The following GLMN variants were observed in gnomAD, a reference collection of about 807,000 sequenced individuals.
GLMN encodes the protein glomulin, FKBP associated protein.
A neutral mutation model predicts 87.8 loss-of-function variants in GLMN; 75 were observed. The observed-to-expected ratio is 0.85, with a 90% CI of 0.71 to 1.04. The LOEUF (loss-of-function observed/expected upper bound fraction) is 1.04. Among genes scored for constraint, GLMN ranks in the 50% least tolerant of loss-of-function variants. The pLI is 0.00. For synonymous variants in GLMN, 206 were observed against 221.6 expected, an observed-to-expected ratio of 0.93 and a Z score of 0.63; for missense variants, 588 against 658.8, an observed-to-expected ratio of 0.89 and a Z score of 1.18.
intron 1 of GLMN, 56 bp downstream of exon 1, chr1:92,298,869 G>C (rs1650514858): frequency 2.5e-6 from 1 of 403,114 alleles, no homozygotes; most frequent in African/African-American, 2.1e-5. Flanking sequence ...GTCCGCCGCG[G>C]CTCACGGCCA....
chr1:92,281,676 A>T (rs1045119322), intron 7 of GLMN, among the ~76,000 whole-genome samples: 2 of 152,226 alleles, frequency 1.3e-5, no homozygotes, highest in African/African-American at 4.8e-5. Flanking sequence ...CAGACTGGCA[A>T]ATTGAATAAA....
chr1:92,299,220 C>A (rs1650588635), upstream of GLMN: 1 of 935,270 alleles, frequency 1.1e-6, no homozygotes, highest in Admixed American at 3.4e-5. Context: ...GACCGCAGCG[C>A]GCGGGCGCTC....
chr1:92,305,450 A>AACAAAAAAC, the GLMN span, among the ~76,000 whole-genome samples: 5 of 141,852 alleles, frequency 3.5e-5, no homozygotes, highest in Admixed American at 3.5e-4. Flanking sequence ...AAAAAAAAAA[A>AACAAAAAAC]AGACAATATG....
At chr1:92,363,753 A>G in the GLMN span, 2 of 354,376 alleles carry the variant, frequency 5.6e-6, no homozygotes, top group Non-Finnish European at 1.1e-5. Context: ...ATGATGATCT[A>G]CTTCCACTTA....
At chr1:92,280,344 C>G (rs138700322) in intron 7 of GLMN, among the ~76,000 whole-genome samples, 30 of 152,272 alleles carry the variant, frequency 2.0e-4, no homozygotes, top group Non-Finnish European at 2.4e-4. Flanking sequence ...GAGTGGACCT[C>G]TAGCAAACTC....
chr1:92,259,804 G>C (rs1037894511), intron 16 of GLMN, among the ~76,000 whole-genome samples: 1 of 134,738 alleles, frequency 7.4e-6, no homozygotes. Context: ...GCATGATCTC[G>C]GCTCACTGCA....
the GLMN span, among the ~76,000 whole-genome samples, chr1:92,340,575 G>A: frequency 6.6e-6 from 1 of 152,194 alleles, no homozygotes; most frequent in Non-Finnish European, 1.5e-5. Flanking sequence ...AACAACTATA[G>A]ATGTCCGGCT....
At position 92,289,128 on chromosome 1, in the gene GLMN, C is replaced by G. The variant is rs754543701; in HGVS notation, c.418G>C (p.Ala140Pro). The G allele has an allele frequency of 1.3e-4, 208 of 1,600,812 alleles. No individual in the cohort carries two copies. Among genetic ancestry groups the G allele is most frequent in the Non-Finnish European group, 1.7e-4 (198 of 1,168,162 alleles). The stretch of plus-strand genomic sequence containing the variant: ...GACAATGCTAATCCAATTGAATATG[C>G]CTTGTTATGAAGTTTCTGAATCACT... ...QTVIQKLHNK[A>P]YSIGLALSTL... is the part of the protein sequence containing the mutation. Residue 140 changes from alanine to proline, a missense_variant, in exon 6 of 19, where the codon GCA (alanine) becomes CCA (proline). By Grantham distance (27) the Ala-to-Pro change is conservative. Transcript: ENST00000370360.
At chr1:92,282,565 T>C (rs568834811) in intron 7 of GLMN, among the ~76,000 whole-genome samples, 10 of 152,008 alleles carry the variant, frequency 6.6e-5, no homozygotes, top group South Asian at 4.2e-4. Context: ...ATTAAAAGAA[T>C]TGGAAAAGCA....
intron 9 of GLMN, among the ~76,000 whole-genome samples, chr1:92,268,657 A>G (rs926786736): frequency 1.3e-5 from 2 of 152,228 alleles, no homozygotes; most frequent in African/African-American, 4.8e-5. Flanking sequence ...TACTTGTGCC[A>G]GGAGACCCTT....
intron 16 of GLMN, among the ~76,000 whole-genome samples, chr1:92,254,413 G>C (rs1012809844): frequency 6.6e-6 from 1 of 152,102 alleles, no homozygotes; most frequent in African/African-American, 2.4e-5. Flanking sequence ...AGAAAATACA[G>C]AGAACACCAC....
chr1:92,307,471 A>T, the GLMN span, among the ~76,000 whole-genome samples: 1 of 152,212 alleles, frequency 6.6e-6, no homozygotes, highest in African/African-American at 2.4e-5. Flanking sequence ...ATACATACAA[A>T]TGTTATTTGT....
the GLMN span, chr1:92,320,771 A>G: frequency 1.7e-6 from 1 of 576,712 alleles, no homozygotes; most frequent in African/African-American, 1.8e-5. Context: ...CCACACAAAG[A>G]AATATTTGAC....
the GLMN span, among the ~76,000 whole-genome samples, chr1:92,304,822 T>C: frequency 6.6e-6 from 1 of 152,100 alleles, no homozygotes; most frequent in Non-Finnish European, 1.5e-5. Context: ...ATTAAAGACA[T>C]AAATGTAAAA....
the GLMN span, among the ~76,000 whole-genome samples, chr1:92,325,087 C>T: frequency 6.6e-6 from 1 of 152,004 alleles, no homozygotes; most frequent in African/African-American, 2.4e-5. Context: ...AAATAGTACC[C>T]ATATGTAGAG....
chr1:92,359,203 A>C, the GLMN span, among the ~76,000 whole-genome samples: 22 of 152,266 alleles, frequency 1.4e-4, no homozygotes, highest in African/African-American at 5.3e-4. Context: ...AAAGCTGGGG[A>C]AAGTCAAACA....
chr1:92,297,724 A>C, intron 2 of GLMN, 195 bp from the exon 3 acceptor site: 1 of 638,184 alleles, frequency 1.6e-6, no homozygotes, highest in East Asian at 2.7e-5. Context: ...CTTGAAATCT[A>C]CTGTACCAGT....
At chr1:92,302,311 G>T (rs1650906179), upstream of GLMN, among the ~76,000 whole-genome samples, 1 of 128,976 alleles carries the variant, frequency 7.8e-6, no homozygotes, top group African/African-American at 2.9e-5. Context: ...TGGGAAAAAA[G>T]AAAAATGAGG....
the GLMN span, chr1:92,320,660 C>A: frequency 6.4e-7 from 1 of 1,570,376 alleles, no homozygotes; most frequent in South Asian, 1.1e-5. Flanking sequence ...TATCATTTAC[C>A]ATTTATATAT....
Sources: gnomAD v4.1 joint callset for allele counts (sites outside exome capture counted in the v4.1 genomes callset) on GRCh38, gnomAD v4.1.1 for gene constraint, MANE v1.5 for transcripts, NCBI Gene and HGNC (gene_info 2026-07-23, HGNC 2026-07-21) for gene names.